The following WWP2 variants were observed in gnomAD, a reference collection of about 807,000 sequenced individuals.
WWP2 encodes NEDD4-like E3 ubiquitin-protein ligase WWP2.
WWP2 carries 57 observed loss-of-function variants against 121.0 expected under a neutral mutation model. The observed-to-expected ratio is 0.47, with a 90% CI of 0.38 to 0.59. The LOEUF is 0.59. WWP2 is among the 20% of genes least tolerant of loss of function. The pLI is 0.00. For missense variants in WWP2, 962 were observed against 1,158.9 expected (o/e 0.83, Z 2.47); for synonymous variants, 449 against 441.3 (o/e 1.02, Z -0.22).
chr16:69,857,002 TTA>T (rs2151896888), intron 6 of WWP2, among the ~76,000 whole-genome samples: 1 of 152,290 alleles, frequency 6.6e-6, no homozygotes, highest in Non-Finnish European at 1.5e-5. Context: ...CACAGTTCAT[TTA>T]TGTTTCTCGT....
At chr16:69,765,911 C>T (rs1451620102) in intron 1 of WWP2, among the ~76,000 whole-genome samples, 1 of 152,092 alleles carries the variant, frequency 6.6e-6, no homozygotes, top group Non-Finnish European at 1.5e-5. Context: ...CATCCTCCTG[C>T]CTCAGCCTCC....
chr16:69,895,205 G>A (rs1196634693), intron 8 of WWP2: 1 of 152,192 alleles, frequency 6.6e-6, no homozygotes, highest in African/African-American at 2.4e-5. Context: ...TTGGAATTTG[G>A]AGCTTCTCTG....
chr16:69,932,625 A>T (rs1303065125), intron 16 of WWP2, among the ~76,000 whole-genome samples: 1 of 152,250 alleles, frequency 6.6e-6, no homozygotes, highest in African/African-American at 2.4e-5. Context: ...CTCTTAAGGC[A>T]GCCAGGGCAG....
chr16:69,798,213 A>G lies in WWP2; in HGVS notation c.71-469A>G, dbSNP rs138329886. Among the ~76,000 whole-genome samples the G allele has an allele frequency of 6.2e-3, 939 of 152,334 alleles. 6 individuals are homozygous for G. Among genetic ancestry groups the G allele is most frequent in the South Asian group, 0.012 (60 of 4,824 alleles). On this transcript the variant is annotated intron_variant, in intron 2 of 23. Transcript: ENST00000359154. Reference sequence around the variant, plus strand: ...TTTAAAAAGTGTTCGTATCCTTTGGAGGAATACTCAAGAAAGGCATGCAGA... The same window carrying G: ...TTTAAAAAGTGTTCGTATCCTTTGGGGGAATACTCAAGAAAGGCATGCAGA...
chr16:69,940,543 GC>G lies in WWP2; in HGVS notation c.*605del. 6.5e-6 allele frequency: 1 copy of G among 152,774 alleles called. No individual in the cohort carries two copies. The highest frequency in any genetic ancestry group is 2.1e-4 in the South Asian group (1 of 4,844). The allele number at this position is 152,774 out of a possible 1,614,324, so 9.5% of individuals were successfully genotyped here. ...ATGCCGGCCAGTTAATTCATTCTCAGCCAATGAAGGTTTGTCTAAGCTGCCT... is the reference window on the plus strand; with the variant it reads ...ATGCCGGCCAGTTAATTCATTCTCAGCAATGAAGGTTTGTCTAAGCTGCCT... On this transcript the variant is annotated 3_prime_UTR_variant, in exon 24 of 24. Transcript: ENST00000359154.
In WWP2 at chr16:69,798,835, A is replaced by G; in HGVS notation, c.218+6A>G. ...TGGAATGAGATCATCATTTTGTAAG[A>G]GAAAGCCCCTTCTTTTTGAACGCAG... On this transcript the variant is annotated splice_donor_region_variant and intron_variant, in intron 3 of 23. Coordinates refer to ENST00000359154, the MANE Select transcript of WWP2 (RefSeq NM_001270454.2). 6.2e-7 allele frequency: 1 copy of G among 1,613,522 alleles called. No individual in the cohort carries two copies. The highest frequency in any genetic ancestry group is 1.7e-5 in the Admixed American group (1 of 59,920).
At chr16:69,803,075 G>A (rs2056204150) in intron 4 of WWP2, among the ~76,000 whole-genome samples, 1 of 150,712 alleles carries the variant, frequency 6.6e-6, no homozygotes, top group South Asian at 2.1e-4. Context: ...GGCATATATT[G>A]GATATTACTT....
intron 6 of WWP2, among the ~76,000 whole-genome samples, chr16:69,851,231 T>C (rs1296521054): frequency 2.6e-5 from 4 of 151,846 alleles, no homozygotes; most frequent in Non-Finnish European, 5.9e-5. Context: ...TTGGCCAGGC[T>C]GGTCTTGAAC....
Position 69,797,114 on chromosome 16 carries a change from C to T in WWP2, c.71-1568C>T, listed in dbSNP as rs145638157. On this transcript the variant is annotated intron_variant, in intron 2 of 23. Transcript: ENST00000359154. ...TTACCCTAGCGACCTGGCGTTTCCA[C>T]CAGGGGTAATATACACTAGGATGTC... Among the ~76,000 whole-genome samples the T allele has an allele frequency of 8.9e-4, 136 of 152,280 alleles. 2 individuals are homozygous for T. In the East Asian group the frequency reaches 0.026, roughly 29 times the overall value.
At chr16:69,770,657 C>G (rs2055394810) in intron 1 of WWP2, among the ~76,000 whole-genome samples, 1 of 152,130 alleles carries the variant, frequency 6.6e-6, no homozygotes, top group African/African-American at 2.4e-5. Context: ...GTAAAACAAC[C>G]TGGAGCTTGC....
intron 6 of WWP2, among the ~76,000 whole-genome samples, chr16:69,863,908 C>T (rs2151906682): frequency 6.6e-6 from 1 of 152,340 alleles, no homozygotes; most frequent in Non-Finnish European, 1.5e-5. Context: ...TCCTTTTATG[C>T]ATTGAGTTTA....
chr16:69,866,074 T>G (rs894238889), intron 6 of WWP2, among the ~76,000 whole-genome samples: 3 of 152,060 alleles, frequency 2.0e-5, no homozygotes, highest in African/African-American at 4.8e-5. Context: ...GGCTGGGAAT[T>G]AAGGTTTTTA....
intron 2 of WWP2, among the ~76,000 whole-genome samples, chr16:69,797,405 T>C (rs2056069381): frequency 6.6e-6 from 1 of 152,154 alleles, no homozygotes; most frequent in Non-Finnish European, 1.5e-5. Context: ...TGTAGCTCCC[T>C]GGCTATGTAG....
chr16:69,859,812 C>T (rs953984776), intron 6 of WWP2, among the ~76,000 whole-genome samples: 4 of 151,960 alleles, frequency 2.6e-5, no homozygotes, highest in African/African-American at 7.3e-5. Context: ...CTGGAGAAGG[C>T]GCTCTGCTTC....
chr16:69,792,726 C>G (rs1159585309), intron 2 of WWP2, among the ~76,000 whole-genome samples: 1 of 152,196 alleles, frequency 6.6e-6, no homozygotes, highest in East Asian at 1.9e-4. Flanking sequence ...GGGTCTCACT[C>G]TGTCACCTAG....
At position 69,860,463 on chromosome 16, in the gene WWP2, A is replaced by G. The variant is rs549090622; in HGVS notation, c.576-11341A>G. Among the ~76,000 whole-genome samples the G allele has an allele frequency of 5.9e-5, 9 of 152,288 alleles. No homozygotes were observed. In the South Asian group the frequency reaches 1.9e-3, roughly 32 times the overall value. On this transcript the variant is annotated intron_variant, in intron 6 of 23. Coordinates refer to ENST00000359154, the MANE Select transcript of WWP2 (RefSeq NM_001270454.2). Reference sequence around the variant, plus strand: ...AAGGGAACAATTAGGATGTTATGAGAGAATGAAAGGAAATTTACTGTAGCC... The same window carrying G: ...AAGGGAACAATTAGGATGTTATGAGGGAATGAAAGGAAATTTACTGTAGCC...
At position 69,847,842 on chromosome 16, in the gene WWP2, ACT is replaced by A. The variant is rs1278039903; in HGVS notation, c.575+5725_575+5726del. The stretch of plus-strand genomic sequence containing the variant: ...ACCTCCCACTAGGTCTCACCTCCCA[ACT>A]CTGCCACATTGGGAATCAAATTTCA... On this transcript the variant is annotated intron_variant, in intron 6 of 23. Transcript: ENST00000359154. 8.6e-5 allele frequency among the ~76,000 whole-genome samples: 13 copies of A among 152,006 alleles called. No individual in the cohort carries two copies. In the East Asian group the frequency reaches 2.5e-3, roughly 29 times the overall value.
At chr16:69,892,267 G>A (rs1056755303) in intron 8 of WWP2, among the ~76,000 whole-genome samples, 2 of 151,988 alleles carry the variant, frequency 1.3e-5, no homozygotes, top group East Asian at 1.9e-4. Context: ...AGGTATACAC[G>A]TGCCATGGTG....
rs1344776486 is a variant in WWP2, at chr16:69,917,847, G to T, written c.1143G>T (p.Gly381=). 1 of 1,613,288 alleles carries T rather than the reference G, an allele frequency of 6.2e-7. No individual in the cohort carries two copies. Among genetic ancestry groups the T allele is most frequent in the African/African-American group, 1.3e-5 (1 of 74,928 alleles). ...QWQSQRNQLQ[G]AMQHFSQRFL... The stretch of plus-strand genomic sequence containing the variant: ...AGTCGCAGCGGAATCAGCTCCAGGG[G>T]GCCATGCAGCACTTCAGCCAAAGAT... Residue 381 remains glycine (G), a synonymous_variant, in exon 10 of 24, where the codon GGG becomes GGT. Coordinates refer to ENST00000359154, the MANE Select transcript of WWP2 (RefSeq NM_001270454.2).
Sources: gnomAD v4.1 joint callset for allele counts (sites outside exome capture counted in the v4.1 genomes callset) on GRCh38, gnomAD v4.1.1 for gene constraint, MANE v1.5 for transcripts, NCBI Gene and HGNC (gene_info 2026-07-23, HGNC 2026-07-21) for gene names.